The following MAST3 variants were observed in gnomAD, a reference collection of about 807,000 sequenced individuals.
MAST3 encodes the protein microtubule associated serine/threonine kinase 3, also known as microtubule-associated serine/threonine-protein kinase 3.
In MAST3, 43 loss-of-function variants were observed where a neutral mutation model predicts 127.0. The ratio of observed to expected loss-of-function variants is 0.34; its 90% confidence interval spans 0.27 to 0.44. The LOEUF is 0.44. Ranked by LOEUF, MAST3 falls within the 20% of genes least tolerant of loss-of-function variation. MAST3 has a pLI of 1.00. For synonymous variants in MAST3, 785 were observed against 809.2 expected (o/e 0.97, Z 0.51); for missense variants, 1,390 against 1,919.1 (o/e 0.72, Z 5.15).
intron 3 of MAST3, among the ~76,000 whole-genome samples, chr19:18,116,388 G>A (rs2039258797): frequency 6.6e-6 from 1 of 150,932 alleles, no homozygotes; most frequent in South Asian, 2.1e-4. Flanking sequence ...CGCCTCCTGG[G>A]TTCAAGCGAT....
intron 25 of MAST3, among the ~76,000 whole-genome samples, chr19:18,146,578 G>T (rs572706007): frequency 2.0e-5 from 3 of 152,158 alleles, no homozygotes; most frequent in African/African-American, 4.8e-5. Context: ...ATGGGGAGAT[G>T]TTGGGGTGAT....
Position 18,123,600 on chromosome 19 carries a change from C to T in MAST3, c.578C>T (p.Thr193Ile). The T allele has an allele frequency of 6.3e-7, 1 of 1,591,870 alleles. No individual in the cohort carries two copies. Among genetic ancestry groups the T allele is most frequent in the Non-Finnish European group, 8.6e-7 (1 of 1,169,342 alleles). ...TTCAGCCCGGGCCGTGCAACGGGGA[C>T]CTTCGACAATGAGATTGTCATGATG... Reference protein sequence around the residue: ...RSLSPGRATGTFDNEIVMMNH... With the variant: ...RSLSPGRATGIFDNEIVMMNH... The change falls in exon 8 of 28, where the codon ACC becomes ATC. Residue 193 changes from threonine (T) to isoleucine (I), a missense_variant. Transcript: ENST00000687212.
chr19:18,133,684 G>T (rs576681394), intron 15 of MAST3, among the ~76,000 whole-genome samples: 2 of 150,014 alleles, frequency 1.3e-5, no homozygotes, highest in Admixed American at 6.8e-5. Flanking sequence ...CTTCCAATTA[G>T]CTGGGATTAC....
chr19:18,136,018 C>T lies in MAST3; in HGVS notation c.1972+177C>T, dbSNP rs2041860947. Reference sequence around the variant, plus strand: ...GAGTTCTCCAGGAACTATCACAAGACCTTGGAAAGAATAGAAAGTAGCTGG... The same window carrying T: ...GAGTTCTCCAGGAACTATCACAAGATCTTGGAAAGAATAGAAAGTAGCTGG... On this transcript the variant is annotated intron_variant, in intron 18 of 27. Transcript: ENST00000687212. Among the ~76,000 whole-genome samples the T allele has an allele frequency of 2.0e-5, 3 of 152,138 alleles. 1 individual carries two copies. The South Asian group carries it at 6.2e-4, about 31-fold the overall frequency.
At chr19:18,121,623 G>C (rs1294501742) in intron 3 of MAST3, 62 bp from the exon 4 acceptor site, 1 of 1,388,610 alleles carries the variant, frequency 7.2e-7, no homozygotes, top group Non-Finnish European at 1.0e-6. Flanking sequence ...ATTTAGGCTG[G>C]GCAGGTGGCT....
chr19:18,114,070 G>C (rs969699875), intron 3 of MAST3, among the ~76,000 whole-genome samples: 1 of 152,036 alleles, frequency 6.6e-6, no homozygotes, highest in African/African-American at 2.4e-5. Flanking sequence ...CCTCATCAAG[G>C]CCTCAGCCTC....
chr19:18,106,395 C>G (rs576811305), intron 1 of MAST3, among the ~76,000 whole-genome samples: 1 of 151,636 alleles, frequency 6.6e-6, no homozygotes, highest in Non-Finnish European at 1.5e-5. Context: ...TGCAATACCA[C>G]GCCCAGCTAA....
In MAST3 at chr19:18,147,068, G is replaced by A. The variant is rs1183830772; in HGVS notation, c.3326+24G>A. On this transcript the variant is annotated intron_variant, in intron 26 of 27. Coordinates refer to ENST00000687212, the MANE Select transcript of MAST3 (RefSeq NM_001393504.1). ...CGGTACACAGGGGGCGGGGCCACGG[G>A]GACTGGGGTTCTTTTTTTCTTTTCT... 8.2e-6 allele frequency: 12 copies of A among 1,458,324 alleles called. No homozygotes were observed. The East Asian group carries it at 2.8e-4, about 34-fold the overall frequency. The allele number at this position is 1,458,324 out of a possible 1,614,324, so 90.3% of individuals were successfully genotyped here. A position where few individuals can be genotyped will look rare whatever the true frequency, so the allele number is the denominator to read the frequency against.
rs901130050 is a variant in MAST3, at chr19:18,129,155, G to A, written c.1223+204G>A. 5.1e-6 allele frequency: 3 copies of A among 591,738 alleles called. No homozygotes were observed. The African/African-American group carries it at 5.6e-5, about 11-fold the overall frequency. The allele number at this position is 591,738 out of a possible 1,614,324, so 36.7% of individuals were successfully genotyped here. On this transcript the variant is annotated intron_variant, in intron 13 of 27. Transcript: ENST00000687212. ...AGCCTCATGTGTGCTCTGTCCACGA[G>A]CCAGGCCTTTACCTGCCCCAGGTGT...
chr19:18,134,256 GCA>G (rs1207613525), intron 15 of MAST3, among the ~76,000 whole-genome samples: 1 of 151,770 alleles, frequency 6.6e-6, no homozygotes, highest in African/African-American at 2.4e-5. Flanking sequence ...ACACATATAC[GCA>G]CACACAGTAG....
intron 3 of MAST3, among the ~76,000 whole-genome samples, chr19:18,116,799 G>A (rs1038244045): frequency 1.1e-5 from 1 of 91,184 alleles, no homozygotes. Flanking sequence ...TGTAATCCCA[G>A]CTTCTCGGGA....
chr19:18,138,929 C>G (rs2042159429), intron 19 of MAST3, 86 bp from the exon 20 acceptor site: 6 of 907,504 alleles, frequency 6.6e-6, no homozygotes, highest in African/African-American at 1.6e-5. Context: ...TGACCCTATC[C>G]TGAGATGCCC....
At chr19:18,111,530 C>CTTTTTTTTTTTTTTTTTTTTT (rs576984210) in intron 3 of MAST3, among the ~76,000 whole-genome samples, 2 of 103,256 alleles carry the variant, frequency 1.9e-5, no homozygotes, top group Admixed American at 1.0e-4. Context: ...TTTCCACAGA[C>CTTTTTTTTTTTTTTTTTTTTT]TTTTTTTTTT....
intron 3 of MAST3, among the ~76,000 whole-genome samples, chr19:18,111,360 C>G (rs2038597548): frequency 6.6e-6 from 1 of 152,008 alleles, no homozygotes; most frequent in African/African-American, 2.4e-5. Flanking sequence ...TTGGTTGACT[C>G]TGTGACTGGC....
chr19:18,123,031 A>G (rs1173942588), intron 6 of MAST3, among the ~76,000 whole-genome samples, 186 bp from the exon 7 acceptor site: 1 of 152,196 alleles, frequency 6.6e-6, no homozygotes, highest in Non-Finnish European at 1.5e-5. Flanking sequence ...GTACAGGCAG[A>G]GAGGACTTCC....
intron 18 of MAST3, among the ~76,000 whole-genome samples, chr19:18,136,189 C>T (rs1299774457): frequency 6.6e-6 from 1 of 152,206 alleles, no homozygotes; most frequent in Non-Finnish European, 1.5e-5. Context: ...CCGTTTGAGA[C>T]TCATGCAGCC....
At chr19:18,113,197 C>A (rs544876321) in intron 3 of MAST3, among the ~76,000 whole-genome samples, 1 of 152,000 alleles carries the variant, frequency 6.6e-6, no homozygotes, top group Admixed American at 6.6e-5. Flanking sequence ...TTGGGCCTGG[C>A]GGGGGAATGG....
At chr19:18,140,304 C>G (rs2042326729) in intron 20 of MAST3, among the ~76,000 whole-genome samples, 1 of 147,188 alleles carries the variant, frequency 6.8e-6, no homozygotes, top group Non-Finnish European at 1.5e-5. Flanking sequence ...CCTGAACCCC[C>G]AGAGGTGGAG....
In MAST3 at chr19:18,146,876, C is replaced by A; in HGVS notation, c.3163-5C>A. The A allele has an allele frequency of 6.5e-7, 1 of 1,549,194 alleles. No individual in the cohort carries two copies. The highest frequency in any genetic ancestry group is 8.7e-7 in the Non-Finnish European group (1 of 1,145,124). ...AGAGGCAACCCCTCACCATCCCTCC[C>A]GCAGAGCGGCAACAAGATATCCCTG... is the stretch of plus-strand genomic sequence containing the variant. On this transcript the variant is annotated splice_polypyrimidine_tract_variant and splice_region_variant and intron_variant, in intron 25 of 27. Transcript: ENST00000687212.
Sources: gnomAD v4.1 joint callset for allele counts (sites outside exome capture counted in the v4.1 genomes callset) on GRCh38, gnomAD v4.1.1 for gene constraint, MANE v1.5 for transcripts, NCBI Gene and HGNC (gene_info 2026-07-23, HGNC 2026-07-21) for gene names.